Variants in UBASH3A observed in about 807,000 individuals in gnomAD.
The protein encoded by UBASH3A is ubiquitin associated and SH3 domain containing A.
A neutral mutation model predicts 73.5 loss-of-function variants in UBASH3A; 63 were observed. That is an observed-to-expected ratio of 0.86 (90% CI 0.70 to 1.06). The LOEUF is 1.06. Among genes scored for constraint, UBASH3A ranks in the 50% least tolerant of loss-of-function variants. The pLI is 0.00. For synonymous variants in UBASH3A, 363 were observed against 351.1 expected, an observed-to-expected ratio of 1.03 and a Z score of -0.38; for missense variants, 860 against 859.0, an observed-to-expected ratio of 1.00 and a Z score of -0.02.
At chr21:42,430,032 T>C (rs1478201532) in intron 8 of UBASH3A, among the ~76,000 whole-genome samples, 2 of 152,104 alleles carry the variant, frequency 1.3e-5, no homozygotes, top group East Asian at 1.9e-4. Flanking sequence ...CAGCGTGGAC[T>C]TCACAAGGGA....
chr21:42,438,265 C>G (rs1768157725), intron 11 of UBASH3A, among the ~76,000 whole-genome samples: 1 of 152,206 alleles, frequency 6.6e-6, no homozygotes, highest in African/African-American at 2.4e-5. Context: ...CACACAGACA[C>G]AGATGCAGCA....
At chr21:42,434,016 T>C (rs1005979256) in intron 9 of UBASH3A, among the ~76,000 whole-genome samples, 5 of 151,868 alleles carry the variant, frequency 3.3e-5, no homozygotes, top group African/African-American at 1.2e-4. Context: ...CAAACCAGAG[T>C]GCACTGGAGG....
chr21:42,422,913 G>T (rs922483517), intron 7 of UBASH3A, among the ~76,000 whole-genome samples: 1 of 152,194 alleles, frequency 6.6e-6, no homozygotes, highest in Non-Finnish European at 1.5e-5. Flanking sequence ...ACCGGTGGGT[G>T]TTGGGAGTGG....
In UBASH3A at chr21:42,447,453, T is replaced by A; in HGVS notation, c.*259T>A. The A allele has an allele frequency of 2.6e-6, 1 of 381,426 alleles. No individual in the cohort carries two copies. The highest frequency in any genetic ancestry group is 4.7e-6 in the Non-Finnish European group (1 of 213,504). 23.6% of individuals were successfully genotyped at this position (381,426 alleles called of 1,614,324 possible). A position where few individuals can be genotyped will look rare whatever the true frequency, so the allele number is the denominator to read the frequency against. On this transcript the variant is annotated 3_prime_UTR_variant, in exon 15 of 15. Transcript: ENST00000319294. ...GGTGAGGATGCCGCCCTGCAGCATGTACACCGAGTGTCTGCAGCTGGGGAC... is the reference window on the plus strand; with the variant it reads ...GGTGAGGATGCCGCCCTGCAGCATGAACACCGAGTGTCTGCAGCTGGGGAC...
At position 42,431,989 on chromosome 21, in the gene UBASH3A, CG is replaced by C. The variant is rs536670058; in HGVS notation, c.1171-113del. 7.4e-4 allele frequency: 480 copies of C among 651,322 alleles called. 5 individuals carry two copies. Among genetic ancestry groups the C allele is most frequent in the Non-Finnish European group, 2.0e-4 (70 of 352,608 alleles). 40.3% of individuals were successfully genotyped at this position (651,322 alleles called of 1,614,324 possible). Reference sequence around the variant, plus strand: ...CAAAATGGGCTGAGCTATTGACTAACGAAGGAAAAGATTCCCTCGCAGTTGC... The same window carrying C: ...CAAAATGGGCTGAGCTATTGACTAACAAGGAAAAGATTCCCTCGCAGTTGC... On this transcript the variant is annotated intron_variant, in intron 8 of 14. Coordinates refer to ENST00000319294, the MANE Select transcript of UBASH3A (RefSeq NM_018961.4).
intron 3 of UBASH3A, among the ~76,000 whole-genome samples, chr21:42,411,903 G>A (rs567222672): frequency 6.6e-6 from 1 of 152,242 alleles, no homozygotes; most frequent in African/African-American, 2.4e-5. Flanking sequence ...GCCGTTGAGG[G>A]TTGCAGAGAA....
chr21:42,418,332 CTCCTA>C, intron 6 of UBASH3A, 64 bp from the exon 7 acceptor site: 1 of 1,413,208 alleles, frequency 7.1e-7, no homozygotes, highest in South Asian at 1.2e-5. Flanking sequence ...GGTGATAGGC[CTCCTA>C]TTGCTGCCAT....
intron 11 of UBASH3A, among the ~76,000 whole-genome samples, chr21:42,439,949 A>C (rs1025123236): frequency 7.9e-6 from 1 of 125,996 alleles, no homozygotes; most frequent in African/African-American, 3.0e-5. Flanking sequence ...CACCACACAC[A>C]CGACACACAC....
In UBASH3A at chr21:42,413,468, G is replaced by A; in HGVS notation, c.612G>A (p.Leu204=). 6 of 1,614,196 alleles carry A rather than the reference G, an allele frequency of 3.7e-6. No homozygotes were observed. The highest frequency in any genetic ancestry group is 5.1e-6 in the Non-Finnish European group (6 of 1,180,018). The change falls in exon 5 of 15, where the codon CTG becomes CTA. Residue 204 remains leucine (L), a synonymous_variant. Coordinates refer to ENST00000319294, the MANE Select transcript of UBASH3A (RefSeq NM_018961.4). This position sits in a 1 kb window ranked among gnomAD's most constrained non-coding sequence, Gnocchi z 4.5. ...FSQVPGHGPN[L]RLSNLTRASF... ...AGGTGCCTGGACATGGCCCTAACCT[G>A]AGGCTGAGCAATTTAACTAGAGCCT...
chr21:42,408,315 G>A (rs191546999), intron 2 of UBASH3A, among the ~76,000 whole-genome samples: 277 of 152,248 alleles, frequency 1.8e-3, no homozygotes, highest in African/African-American at 6.0e-3. Flanking sequence ...ATGAATGCAC[G>A]GTAAATAGAT....
intron 3 of UBASH3A, among the ~76,000 whole-genome samples, chr21:42,412,046 AAGAGAAGGGATC>A (rs2053109305): frequency 6.6e-6 from 1 of 152,154 alleles, no homozygotes. Flanking sequence ...CGGTGCTGGG[AAGAGAAGGGATC>A]AGGCCAACTC....
chr21:42,438,809 A>G lies in UBASH3A; in HGVS notation c.1486+1229A>G, dbSNP rs143872614. On this transcript the variant is annotated intron_variant, in intron 11 of 14. Transcript: ENST00000319294. ...TGGCGGGGCTGCAGTGGCTAGAATG[A>G]CAAGTCCCAGGTGGAAGGAATGGAT... Among the ~76,000 whole-genome samples the G allele has an allele frequency of 4.0e-3, 606 of 152,092 alleles. 4 individuals carry two copies. Among genetic ancestry groups the G allele is most frequent in the Non-Finnish European group, 7.2e-3 (491 of 67,952 alleles).
chr21:42,409,719 C>G, intron 3 of UBASH3A, 111 bp downstream of exon 3: 1 of 977,662 alleles, frequency 1.0e-6, no homozygotes, highest in Admixed American at 2.4e-5. Context: ...TAGTCCAGAA[C>G]TGCATCATTA....
intron 8 of UBASH3A, among the ~76,000 whole-genome samples, chr21:42,430,026 G>A (rs1041548624): frequency 2.6e-5 from 4 of 151,988 alleles, no homozygotes; most frequent in Non-Finnish European, 5.9e-5. Context: ...CCGGGCCAGC[G>A]TGGACTTCAC....
chr21:42,441,444 C>T (rs531502679), intron 11 of UBASH3A, among the ~76,000 whole-genome samples: 3 of 128,294 alleles, frequency 2.3e-5, no homozygotes, highest in Non-Finnish European at 5.0e-5. Flanking sequence ...GACTTGGGGG[C>T]CCAGTTGATG....
intron 10 of UBASH3A, among the ~76,000 whole-genome samples, 199 bp from the exon 11 acceptor site, chr21:42,437,289 G>A (rs138851672): frequency 2.6e-4 from 39 of 152,358 alleles, no homozygotes; most frequent in Non-Finnish European, 4.7e-4. Flanking sequence ...GCCATAGGAT[G>A]TAATTGTCCC....
rs763080299 is a variant in UBASH3A at position 42,406,285 on chromosome 21, T to C, written c.114-23T>C. The C allele has an allele frequency of 3.1e-6, 5 of 1,611,328 alleles. No individual in the cohort carries two copies. In the East Asian group the frequency reaches 8.9e-5, roughly 29 times the overall value. On this transcript the variant is annotated intron_variant, in intron 1 of 14. Transcript: ENST00000319294. Reference sequence around the variant, plus strand: ...CCCAAGAATGGGCGACGTGACTTTGTGTCTGTGTCTGCTCTTCTGCAGGCT... The same window carrying C: ...CCCAAGAATGGGCGACGTGACTTTGCGTCTGTGTCTGCTCTTCTGCAGGCT...
chr21:42,407,165 C>G (rs1375290260), intron 2 of UBASH3A, among the ~76,000 whole-genome samples: 1 of 152,218 alleles, frequency 6.6e-6, no homozygotes, highest in Admixed American at 6.5e-5. Flanking sequence ...GGAGGGCCAC[C>G]GTTTCTCTAA....
chr21:42,411,903 G>T lies in UBASH3A; in HGVS notation c.355-1121G>T, dbSNP rs567222672. Among the ~76,000 whole-genome samples, 31 of 152,360 alleles carry T rather than the reference G, an allele frequency of 2.0e-4. 1 individual carries two copies. The South Asian group carries it at 6.4e-3, about 32-fold the overall frequency. ...GGTTTTGTGTTGAGTGCCGTTGAGGGTTGCAGAGAAAACAGACAGGGAGGA... is the reference window on the plus strand; with the variant it reads ...GGTTTTGTGTTGAGTGCCGTTGAGGTTTGCAGAGAAAACAGACAGGGAGGA... On this transcript the variant is annotated intron_variant, in intron 3 of 14. Transcript: ENST00000319294.
Sources: allele counts gnomAD v4.1 joint callset (sites outside exome capture counted in the v4.1 genomes callset), GRCh38; gene constraint gnomAD v4.1.1; non-coding constraint Gnocchi (gnomAD v3.1); transcripts MANE v1.5; gene names NCBI Gene and HGNC (gene_info 2026-07-23, HGNC 2026-07-21).